Variants in NSD1 observed in about 807,000 individuals in gnomAD.
NSD1 encodes the protein nuclear receptor binding SET domain protein 1.
In NSD1, 26 loss-of-function variants were observed where a neutral mutation model predicts 242.7. That is an observed-to-expected ratio of 0.11 (90% CI 0.08 to 0.15). The LOEUF is 0.15. NSD1 is among the 10% of genes least tolerant of loss of function. The pLI, the probability that NSD1 is intolerant of heterozygous loss-of-function variation, is 1.00. For missense variants in NSD1, 2,495 were observed against 3,272.8 expected, an observed-to-expected ratio of 0.76 and a Z score of 5.80; for synonymous variants, 1,106 against 1,178.1, an observed-to-expected ratio of 0.94 and a Z score of 1.25.
rs1256763444 is a variant in NSD1, at chr5:177,152,132, T to A, written c.927+16102T>A. ...GCCTTGGCCTCCCAAAGTGCTGGGA[T>A]TACAGGTGTGAGCCACTGCACCTGG... On this transcript the variant is annotated intron_variant, in intron 2 of 22. Transcript: ENST00000439151. Among the ~76,000 whole-genome samples, 7 of 152,204 alleles carry A rather than the reference T, an allele frequency of 4.6e-5. No individual in the cohort carries two copies. In the East Asian group the frequency reaches 1.4e-3, roughly 29 times the overall value.
At chr5:177,149,653 A>T (rs1478547951) in intron 2 of NSD1, among the ~76,000 whole-genome samples, 1 of 152,098 alleles carries the variant, frequency 6.6e-6, no homozygotes, top group Admixed American at 6.6e-5. Flanking sequence ...ACCTTAGATT[A>T]TCACGCATTA....
rs887351457 is a variant in NSD1, at chr5:177,299,912, G to A, written c.*4453G>A. ...TGTGTGTGTAGATGAGTGTGCTGAA[G>A]GTGGGGAGGGCAGCACACAGCAGCT... On this transcript the variant is annotated 3_prime_UTR_variant, in exon 23 of 23. Transcript: ENST00000439151. 1.3e-5 allele frequency: 3 copies of A among 232,730 alleles called. No individual in the cohort carries two copies. Among genetic ancestry groups the A allele is most frequent in the Non-Finnish European group, 2.5e-5 (3 of 117,964 alleles). 14.4% of individuals were successfully genotyped at this position (232,730 alleles called of 1,614,324 possible). A position where few individuals can be genotyped will look rare whatever the true frequency, so the allele number is the denominator to read the frequency against.
chr5:177,288,693 T>C, intron 20 of NSD1, 126 bp from the exon 21 acceptor site: 1 of 715,840 alleles, frequency 1.4e-6, no homozygotes, highest in East Asian at 2.7e-5. Flanking sequence ...AATTAAAATA[T>C]AGGATTAGAG....
intron 2 of NSD1, among the ~76,000 whole-genome samples, chr5:177,178,483 G>C (rs139099246): frequency 0.025 from 3,863 of 152,230 alleles, 49 homozygotes; most frequent in African/African-American, 0.029. Context: ...GCCTCGGCCT[G>C]CCAAAGTGTT....
At position 177,251,712 on chromosome 5, in the gene NSD1, TTTTC is replaced by T; in HGVS notation, c.4642-12_4642-9del. On this transcript the variant is annotated splice_polypyrimidine_tract_variant and intron_variant, in intron 11 of 22. Coordinates refer to ENST00000439151, the MANE Select transcript of NSD1 (RefSeq NM_022455.5). ...TCAAACATGGAAAAACAGATAGATG[TTTTC>T]TTTCTCTTAACAGAATTGTGAAAAA... 4 of 1,613,820 alleles carry T rather than the reference TTTTC, an allele frequency of 2.5e-6. No individual in the cohort carries two copies. Among genetic ancestry groups the T allele is most frequent in the Non-Finnish European group, 3.4e-6 (4 of 1,179,710 alleles).
chr5:177,251,002 C>G (rs1048077730), intron 11 of NSD1, among the ~76,000 whole-genome samples: 1 of 152,032 alleles, frequency 6.6e-6, no homozygotes, highest in Non-Finnish European at 1.5e-5. Flanking sequence ...CCAGCCTGGC[C>G]AACGTGGTGA....
intron 5 of NSD1, among the ~76,000 whole-genome samples, chr5:177,217,252 T>C (rs561855036): frequency 4.4e-4 from 67 of 152,308 alleles, no homozygotes; most frequent in African/African-American, 1.6e-3. Flanking sequence ...TATTCTATTC[T>C]TTTTTATGCT....
rs566023338 is a variant in NSD1, at chr5:177,272,490, C to CA, written c.5510-1181dup. Among the ~76,000 whole-genome samples, 15 of 152,206 alleles carry CA rather than the reference C, an allele frequency of 9.9e-5. 1 individual carries two copies. The South Asian group carries it at 1.7e-3, about 17-fold the overall frequency. On this transcript the variant is annotated intron_variant, in intron 16 of 22. Coordinates refer to ENST00000439151, the MANE Select transcript of NSD1 (RefSeq NM_022455.5). The stretch of plus-strand genomic sequence containing the variant: ...GAGAAAGTGGGAAGAATGGGATTCT[C>CA]AGAGTTTTTAATGTGGGTGAAGAAT...
At chr5:177,259,692 C>T (rs1756830702) in intron 13 of NSD1, among the ~76,000 whole-genome samples, 1 of 152,100 alleles carries the variant, frequency 6.6e-6, no homozygotes, top group Non-Finnish European at 1.5e-5. Context: ...CTCCCCTCTC[C>T]CTATTTATTC....
chr5:177,246,659 A>G lies in NSD1; in HGVS notation c.4379-19A>G, dbSNP rs1562253605. The G allele has an allele frequency of 1.0e-5, 16 of 1,550,298 alleles. No homozygotes were observed. The highest frequency in any genetic ancestry group is 1.4e-5 in the Non-Finnish European group (16 of 1,121,968). On this transcript the variant is annotated intron_variant, in intron 9 of 22. Transcript: ENST00000439151. The stretch of plus-strand genomic sequence containing the variant: ...TGTGTGTTAGTAGCCAGCAGTTAAC[A>G]CCTATTTTCCTGTCATAGGCACTAC...
At chr5:177,277,770 G>A (rs1042557771) in intron 17 of NSD1, among the ~76,000 whole-genome samples, 15 of 152,156 alleles carry the variant, frequency 9.9e-5, no homozygotes, top group Admixed American at 9.2e-4. Flanking sequence ...ACCTGAGCCT[G>A]GAAAGTCAAC....
At chr5:177,180,363 C>T (rs1760557245) in intron 2 of NSD1, among the ~76,000 whole-genome samples, 1 of 152,164 alleles carries the variant, frequency 6.6e-6, no homozygotes, top group African/African-American at 2.4e-5. Context: ...ACCTTGGCCT[C>T]CCAAAGTGCT....
intron 2 of NSD1, among the ~76,000 whole-genome samples, chr5:177,158,237 A>ATTTCTTTCTTTCTTTCTTTC (rs1166834243): frequency 3.7e-5 from 4 of 109,132 alleles, no homozygotes; most frequent in Non-Finnish European, 5.7e-5. Flanking sequence ...ATGGGTTCTA[A>ATTTCTTTCTTTCTTTCTTTC]TTTCTTTCTT....
At position 177,211,428 on chromosome 5, in the gene NSD1, A is replaced by T. The variant is rs748563813; in HGVS notation, c.3029A>T (p.Lys1010Ile). Residue 1010 changes from lysine (K) to isoleucine (I), a missense_variant, in exon 5 of 23, where the codon AAA becomes ATA. By Grantham distance (102) the Lys-to-Ile change is moderately radical. Transcript: ENST00000439151. ...SDKRDLPASG[K>I]SRSDCVTRRN... ...AAGAGAGACCTCCCTGCTTCTGGTAAAAGTCGTTCAGACTGTGTTACTAGG... is the reference window on the plus strand; with the variant it reads ...AAGAGAGACCTCCCTGCTTCTGGTATAAGTCGTTCAGACTGTGTTACTAGG... 3 of 1,614,164 alleles carry T rather than the reference A, an allele frequency of 1.9e-6. No homozygotes were observed. Among genetic ancestry groups the T allele is most frequent in the Admixed American group, 1.7e-5 (1 of 60,022 alleles).
chr5:177,283,751 AG>A (rs1397472208), intron 19 of NSD1, 35 bp from the exon 20 acceptor site: 2 of 1,611,128 alleles, frequency 1.2e-6, no homozygotes, highest in East Asian at 4.5e-5. Context: ...CAGAGGTCTC[AG>A]GAAGTCTGAT....
chr5:177,292,211 G>A (rs1562306206), intron 22 of NSD1, 53 bp downstream of exon 22: 1 of 1,573,394 alleles, frequency 6.4e-7, no homozygotes, highest in Non-Finnish European at 8.7e-7. Flanking sequence ...TCATACTCAG[G>A]GTCTCATGCC....
intron 16 of NSD1, among the ~76,000 whole-genome samples, chr5:177,270,572 G>C (rs1757867847): frequency 6.6e-6 from 1 of 152,122 alleles, no homozygotes; most frequent in Non-Finnish European, 1.5e-5. Flanking sequence ...ACTCAGAATG[G>C]TCCAACTTAC....
At chr5:177,193,307 A>AT (rs1231449601) in intron 3 of NSD1, among the ~76,000 whole-genome samples, 1 of 151,870 alleles carries the variant, frequency 6.6e-6, no homozygotes, top group Non-Finnish European at 1.5e-5. Context: ...TGCCTGGCTA[A>AT]TTTTTTTGGT....
At chr5:177,186,088 T>TATATATATATAATATATATATATA (rs1761201213) in intron 2 of NSD1, among the ~76,000 whole-genome samples, 1 of 120,680 alleles carries the variant, frequency 8.3e-6, no homozygotes, top group East Asian at 2.1e-4. Flanking sequence ...TAATATATTA[T>TATATATATATAATATATATATATA]ATATAACATA....
Sources: allele counts gnomAD v4.1 joint callset (sites outside exome capture counted in the v4.1 genomes callset), GRCh38; gene constraint gnomAD v4.1.1; transcripts MANE v1.5; gene names NCBI Gene and HGNC (gene_info 2026-07-23, HGNC 2026-07-21).